Variants in CPS1 observed in about 807,000 individuals in gnomAD.
The protein encoded by CPS1 is carbamoyl-phosphate synthase 1.
Under a neutral mutation model 174.6 loss-of-function variants are expected in CPS1, and 109 were observed. The observed-to-expected ratio is 0.62, with a 90% CI of 0.53 to 0.73. CPS1 has a LOEUF of 0.73. Ranked by LOEUF, CPS1 falls within the 30% of genes least tolerant of loss-of-function variation. The pLI, the probability that CPS1 is intolerant of heterozygous loss-of-function variation, is 0.00. For synonymous variants in CPS1, 637 were observed against 632.0 expected (o/e 1.01, Z -0.12); for missense variants, 1,689 against 1,821.9 (o/e 0.93, Z 1.33).
chr2:210,491,809 G>T (rs181816443), intron 1 of CPS1, among the ~76,000 whole-genome samples: 94 of 152,334 alleles, frequency 6.2e-4, no homozygotes, highest in South Asian at 5.6e-3. Flanking sequence ...AGGGGAGGGG[G>T]TCCTATAACA....
chr2:210,664,392 T>G (rs1192461026), intron 33 of CPS1, among the ~76,000 whole-genome samples: 1 of 151,838 alleles, frequency 6.6e-6, no homozygotes, highest in African/African-American at 2.4e-5. Context: ...CAGGCTGGAG[T>G]GCAACGGCAT....
At chr2:210,540,218 C>A (rs1003303928) in intron 1 of CPS1, among the ~76,000 whole-genome samples, 1 of 152,154 alleles carries the variant, frequency 6.6e-6, no homozygotes, top group Non-Finnish European at 1.5e-5. Context: ...GTTGCCTTGC[C>A]AGAAGATAAA....
At chr2:210,582,256 A>G (rs868759678) in intron 5 of CPS1, among the ~76,000 whole-genome samples, 1 of 151,524 alleles carries the variant, frequency 6.6e-6, no homozygotes, top group Admixed American at 6.6e-5. Context: ...TTTTTTGTCC[A>G]TTTCTCTCAT....
chr2:210,591,520 T>C (rs753433268), intron 9 of CPS1, among the ~76,000 whole-genome samples: 21 of 152,068 alleles, frequency 1.4e-4, no homozygotes, highest in Non-Finnish European at 2.2e-4. Context: ...AAGTCACTTA[T>C]ATTTCTTAGT....
chr2:210,598,216 G>A (rs879460755), intron 13 of CPS1, among the ~76,000 whole-genome samples: 13 of 151,680 alleles, frequency 8.6e-5, no homozygotes, highest in Non-Finnish European at 1.9e-4. Context: ...ATCTTGAAAG[G>A]AACACTAAGT....
In CPS1 at chr2:210,481,968, G is replaced by T. The variant is rs538547335; in HGVS notation, c.3+4202G>T. 4.6e-5 allele frequency among the ~76,000 whole-genome samples: 7 copies of T among 152,344 alleles called. No homozygotes were observed. In the South Asian group the frequency reaches 1.5e-3, roughly 32 times the overall value. ...TATGGCAACAGCCAGGGCTGCAGCTGCAGAGAGGAGCTGGCTTCTTTAACT... is the reference window on the plus strand; with the variant it reads ...TATGGCAACAGCCAGGGCTGCAGCTTCAGAGAGGAGCTGGCTTCTTTAACT... On this transcript the variant is annotated intron_variant, in intron 1 of 38. Transcript: ENST00000430249.
At position 210,602,345 on chromosome 2, in the gene CPS1, A is replaced by G. The variant is rs370795545; in HGVS notation, c.1836+15A>G. 25 of 1,612,132 alleles carry G rather than the reference A, an allele frequency of 1.6e-5. No homozygotes were observed. In the African/African-American group the frequency reaches 2.4e-4, roughly 16 times the overall value. ...TCAGCACAAAGGTATGTATTTTTGT[A>G]GACAATATTCTTACCAACCAAAAAA... On this transcript the variant is annotated intron_variant, in intron 16 of 37. Coordinates refer to ENST00000233072, the MANE Select transcript of CPS1 (RefSeq NM_001875.5).
intron 6 of CPS1, among the ~76,000 whole-genome samples, chr2:210,583,198 G>A (rs772331081): frequency 4.6e-5 from 7 of 152,070 alleles, no homozygotes; most frequent in Non-Finnish European, 7.4e-5. Context: ...ATTAATGTTC[G>A]TAACGATGAC....
intron 20 of CPS1, among the ~76,000 whole-genome samples, chr2:210,614,801 A>T (rs990539501): frequency 6.6e-6 from 1 of 151,670 alleles, no homozygotes; most frequent in Admixed American, 6.6e-5. Flanking sequence ...ACCAAGTACC[A>T]CATGTTCTCA....
chr2:210,609,179 A>T (rs930937591), intron 19 of CPS1, among the ~76,000 whole-genome samples: 1 of 152,000 alleles, frequency 6.6e-6, no homozygotes, highest in Non-Finnish European at 1.5e-5. Flanking sequence ...ATGTGCTGTT[A>T]TACTATTTGA....
intron 19 of CPS1, among the ~76,000 whole-genome samples, chr2:210,611,208 C>T (rs747841768): frequency 6.6e-6 from 1 of 151,786 alleles, no homozygotes; most frequent in African/African-American, 2.4e-5. Flanking sequence ...ATCTGTTTGG[C>T]TTTAGTGATC....
chr2:210,669,501 A>G (rs374677098), intron 34 of CPS1, among the ~76,000 whole-genome samples: 1 of 152,148 alleles, frequency 6.6e-6, no homozygotes, highest in African/African-American at 2.4e-5. Flanking sequence ...GTGGGTGATT[A>G]TTTTAGATTC....
chr2:210,553,430 A>G (rs1696780988), upstream of CPS1, among the ~76,000 whole-genome samples: 1 of 152,040 alleles, frequency 6.6e-6, no homozygotes, highest in Admixed American at 6.6e-5. Context: ...GGGATTTCAC[A>G]GGCTAAATGC....
intron 1 of CPS1, among the ~76,000 whole-genome samples, chr2:210,525,172 T>C (rs890475192): frequency 3.3e-5 from 5 of 151,874 alleles, no homozygotes; most frequent in Admixed American, 1.3e-4. Context: ...AAATCTTTGG[T>C]ATGGCTGGGT....
At chr2:210,558,029 A>T (rs1407824507) in intron 1 of CPS1, among the ~76,000 whole-genome samples, 8 of 151,610 alleles carry the variant, frequency 5.3e-5, no homozygotes, top group Admixed American at 4.0e-4. Flanking sequence ...GAGGGATGGG[A>T]GGGAGAGAGA....
At chr2:210,501,383 T>C (rs1470012843) in intron 1 of CPS1, among the ~76,000 whole-genome samples, 1 of 152,174 alleles carries the variant, frequency 6.6e-6, no homozygotes, top group Non-Finnish European at 1.5e-5. Context: ...GCTGCAAATT[T>C]TCCAAACTTT....
intron 1 of CPS1, among the ~76,000 whole-genome samples, chr2:210,525,055 G>T (rs148372684): frequency 4.0e-5 from 6 of 151,728 alleles, no homozygotes; most frequent in South Asian, 4.2e-4. Context: ...CTCCTTTCCC[G>T]TAGTAATAAG....
At chr2:210,675,575 A>G (rs1701498126) in intron 35 of CPS1, among the ~76,000 whole-genome samples, 153 bp from the exon 36 acceptor site, 1 of 152,238 alleles carries the variant, frequency 6.6e-6, no homozygotes, top group Admixed American at 6.5e-5. Flanking sequence ...TAAAGTGCCC[A>G]TGCCTCTGGA....
chr2:210,575,510 G>A (rs1345116406), intron 2 of CPS1, among the ~76,000 whole-genome samples: 1 of 109,192 alleles, frequency 9.2e-6, no homozygotes, highest in African/African-American at 4.1e-5. Context: ...CACACGATAT[G>A]TATATGCACA....
Sources: gnomAD v4.1 joint callset for allele counts (sites outside exome capture counted in the v4.1 genomes callset) on GRCh38, gnomAD v4.1.1 for gene constraint, MANE v1.5 for transcripts, NCBI Gene and HGNC (gene_info 2026-07-23, HGNC 2026-07-21) for gene names.